The following ADRA1A variants were observed in gnomAD, a reference collection of about 807,000 sequenced individuals.
ADRA1A encodes alpha-1A adrenergic receptor.
ADRA1A carries 31 observed loss-of-function variants against 29.6 expected under a neutral mutation model. The ratio of observed to expected loss-of-function variants is 1.05; its 90% CI spans 0.79 to 1.41. The LOEUF (loss-of-function observed/expected upper bound fraction) is 1.41, where lower values mean the gene tolerates loss of function less well. ADRA1A is among the 40% of genes most tolerant of loss of function. The pLI is 0.00. For synonymous variants in ADRA1A, 311 were observed against 254.3 expected (o/e 1.22, Z -2.12); for missense variants, 619 against 601.1 (o/e 1.03, Z -0.31).
At chr8:26,842,866 TACACACACACACACACAC>T (rs57750998) in intron 2 of ADRA1A, among the ~76,000 whole-genome samples, 1 of 142,648 alleles carries the variant, frequency 7.0e-6, no homozygotes, top group East Asian at 2.1e-4. Context: ...TCTCTCTTTC[TACACACACACACACACAC>T]ACACACACAC....
chr8:26,846,483 C>T (rs12114088), intron 2 of ADRA1A, among the ~76,000 whole-genome samples: 70 of 152,268 alleles, frequency 4.6e-4, no homozygotes, highest in African/African-American at 1.5e-3. Context: ...AGAAAGAGAT[C>T]TTGGGCCAGG....
intron 2 of ADRA1A, among the ~76,000 whole-genome samples, chr8:26,830,523 T>A (rs1563288469): frequency 6.6e-6 from 1 of 152,118 alleles, no homozygotes; most frequent in Non-Finnish European, 1.5e-5. Context: ...CAGACAATAT[T>A]CTCCTAACAA....
chr8:26,808,712 A>G (rs1238397832), intron 2 of ADRA1A, among the ~76,000 whole-genome samples: 1 of 152,210 alleles, frequency 6.6e-6, no homozygotes, highest in Non-Finnish European at 1.5e-5. Flanking sequence ...AAGATAAGAA[A>G]CTTCAGTTGC....
chr8:26,817,329 C>G (rs1344922558), intron 2 of ADRA1A, among the ~76,000 whole-genome samples: 5 of 152,078 alleles, frequency 3.3e-5, no homozygotes, highest in African/African-American at 1.2e-4. Flanking sequence ...ACTAAAGCAA[C>G]AATGAGATAC....
At chr8:26,757,279 GC>G (rs1205847935) in intron 2 of ADRA1A, among the ~76,000 whole-genome samples, 1 of 152,142 alleles carries the variant, frequency 6.6e-6, no homozygotes, top group African/African-American at 2.4e-5. Context: ...GCCAAATTCA[GC>G]CTCCGAGCAT....
intron 2 of ADRA1A, among the ~76,000 whole-genome samples, chr8:26,785,636 A>G (rs1195312714): frequency 6.6e-6 from 1 of 152,186 alleles, no homozygotes; most frequent in African/African-American, 2.4e-5. Flanking sequence ...AATACATTCA[A>G]GCTGAGTATC....
At chr8:26,784,133 T>C (rs1807203399) in intron 2 of ADRA1A, among the ~76,000 whole-genome samples, 1 of 152,214 alleles carries the variant, frequency 6.6e-6, no homozygotes, top group Non-Finnish European at 1.5e-5. Context: ...CAAGTTTACC[T>C]ATGTAACAAA....
downstream of ADRA1A, among the ~76,000 whole-genome samples, chr8:26,753,500 A>G (rs773426425): frequency 6.6e-6 from 1 of 152,126 alleles, no homozygotes; most frequent in Non-Finnish European, 1.5e-5. Flanking sequence ...AGAAAATAAT[A>G]AAGTGTTGTC....
chr8:26,786,754 G>GC (rs1807425038), intron 2 of ADRA1A, among the ~76,000 whole-genome samples: 1 of 148,680 alleles, frequency 6.7e-6, no homozygotes, highest in Non-Finnish European at 1.5e-5. Flanking sequence ...TGGGGGGGGG[G>GC]GTCTCTCATT....
At chr8:26,765,165 C>A (rs1369870215), downstream of ADRA1A, among the ~76,000 whole-genome samples, 1 of 152,200 alleles carries the variant, frequency 6.6e-6, no homozygotes, top group Non-Finnish European at 1.5e-5. Context: ...TAACCCCAAA[C>A]CCCACAACCT....
chr8:26,826,019 T>A (rs1810531737), intron 2 of ADRA1A, among the ~76,000 whole-genome samples: 1 of 152,228 alleles, frequency 6.6e-6, no homozygotes, highest in Non-Finnish European at 1.5e-5. Context: ...CCAGCTCACT[T>A]ACACAATGAG....
At chr8:26,761,138 C>A (rs953438597), downstream of ADRA1A, among the ~76,000 whole-genome samples, 1 of 152,088 alleles carries the variant, frequency 6.6e-6, no homozygotes, top group Non-Finnish European at 1.5e-5. Context: ...TACAAGGTAC[C>A]CTTTAAAATA....
intron 2 of ADRA1A, among the ~76,000 whole-genome samples, chr8:26,855,350 C>A (rs1812962627): frequency 6.6e-6 from 1 of 150,892 alleles, no homozygotes; most frequent in South Asian, 2.1e-4. Context: ...AGAAGACTGG[C>A]AACCCAGGAT....
At position 26,806,713 on chromosome 8, in the gene ADRA1A, G is replaced by C. The variant is rs1585730355; in HGVS notation, c.884-36047C>G. ...TTACTCTGGCTTAACCGAGAGTTCG[G>C]TCATTACATAAAGCTGCCACATGCC... On this transcript the variant is annotated intron_variant, in intron 2 of 2. Transcript: ENST00000380573. This position sits in a 1 kb window ranked among gnomAD's most constrained non-coding sequence, Gnocchi z 4.6. 6.6e-6 allele frequency among the ~76,000 whole-genome samples: 1 copy of C among 152,166 alleles called. No homozygotes were observed. The highest frequency in any genetic ancestry group is 2.4e-5 in the African/African-American group (1 of 41,428).
At position 26,789,684 on chromosome 8, in the gene ADRA1A, CT is replaced by C. The variant is rs1462925975; in HGVS notation, c.884-19019del. Among the ~76,000 whole-genome samples the C allele has an allele frequency of 2.6e-5, 4 of 152,034 alleles. No homozygotes were observed. In the East Asian group the frequency reaches 7.7e-4, roughly 29 times the overall value. ...AACGGGATTATATCAAACTAAAAAC[CT>C]TCTGCACAGCAAAGGAAACAAGCTA... On this transcript the variant is annotated intron_variant, in intron 2 of 2. Coordinates refer to ENST00000380573, the MANE Select transcript of ADRA1A (RefSeq NM_000680.4).
At chr8:26,832,992 G>A (rs1377302139) in intron 2 of ADRA1A, among the ~76,000 whole-genome samples, 2 of 152,224 alleles carry the variant, frequency 1.3e-5, no homozygotes, top group African/African-American at 2.4e-5. Context: ...CAGCACCATA[G>A]GGAAGGGACA....
At chr8:26,764,259 G>A (rs887026296), downstream of ADRA1A, among the ~76,000 whole-genome samples, 1 of 152,180 alleles carries the variant, frequency 6.6e-6, no homozygotes, top group Non-Finnish European at 1.5e-5. Context: ...GGCAATCACT[G>A]CCTTACATGT....
downstream of ADRA1A, among the ~76,000 whole-genome samples, chr8:26,753,194 G>A (rs1375563056): frequency 1.2e-4 from 18 of 152,182 alleles, no homozygotes; most frequent in Admixed American, 1.2e-3. Context: ...AAACACAGCT[G>A]TGTTGTCTGT....
intron 2 of ADRA1A, among the ~76,000 whole-genome samples, chr8:26,862,614 T>G (rs1217358785): frequency 6.6e-6 from 1 of 152,200 alleles, no homozygotes; most frequent in African/African-American, 2.4e-5. Context: ...AAAGCTGTGA[T>G]GTACTTCCAG....
Sources: allele counts gnomAD v4.1 joint callset (sites outside exome capture counted in the v4.1 genomes callset), GRCh38; gene constraint gnomAD v4.1.1; non-coding constraint Gnocchi (gnomAD v3.1); transcripts MANE v1.5; gene names NCBI Gene and HGNC (gene_info 2026-07-23, HGNC 2026-07-21).